ZYG11B: variants seen among roughly 807,000 people sequenced by gnomAD.
The protein encoded by ZYG11B is zyg-11 family member B, cell cycle regulator, also known as protein zyg-11 homolog B.
In ZYG11B, 36 loss-of-function variants were observed where a neutral mutation model predicts 82.4. That is an observed-to-expected ratio of 0.44 (90% CI 0.33 to 0.58). ZYG11B has a LOEUF of 0.58. Ranked by LOEUF, ZYG11B falls within the 20% of genes least tolerant of loss-of-function variation. The probability of loss-of-function intolerance (pLI) is 0.02; values close to 1 mark genes in which losing one functional copy is unlikely to be tolerated. For missense variants in ZYG11B, 552 were observed against 895.6 expected (o/e 0.62, Z 4.90); for synonymous variants, 303 against 312.8 (o/e 0.97, Z 0.33).
chr1:52,790,657 G>T (rs1198693826), intron 6 of ZYG11B, among the ~76,000 whole-genome samples: 7 of 143,038 alleles, frequency 4.9e-5, no homozygotes, highest in Non-Finnish European at 1.0e-4. Context: ...GGCGGCGGTT[G>T]CAGTGAGCCA....
chr1:52,822,748 G>C lies in ZYG11B; in HGVS notation c.*1119G>C, dbSNP rs896781976. 1 of 152,034 alleles carries C rather than the reference G, an allele frequency of 6.6e-6. No individual in the cohort carries two copies. Among genetic ancestry groups the C allele is most frequent in the Non-Finnish European group, 1.5e-5 (1 of 68,004 alleles). The allele number at this position is 152,034 out of a possible 1,614,324, so 9.4% of individuals were successfully genotyped here. A position where few individuals can be genotyped will look rare whatever the true frequency, so the allele number is the denominator to read the frequency against. ...ATGATTAAATGTAATGATTCTACTCGCAGTGCATAACAGCACATATTTTTG... is the reference window on the plus strand; with the variant it reads ...ATGATTAAATGTAATGATTCTACTCCCAGTGCATAACAGCACATATTTTTG... On this transcript the variant is annotated 3_prime_UTR_variant, in exon 14 of 14. Coordinates refer to ENST00000294353, the MANE Select transcript of ZYG11B (RefSeq NM_024646.3).
intron 1 of ZYG11B, among the ~76,000 whole-genome samples, chr1:52,742,344 C>T (rs965523766): frequency 4.0e-5 from 6 of 151,806 alleles, no homozygotes; most frequent in Non-Finnish European, 2.9e-5. Flanking sequence ...CCCAGCTATT[C>T]GGATGGCTGA....
intron 1 of ZYG11B, among the ~76,000 whole-genome samples, chr1:52,744,311 G>A (rs1424804356): frequency 1.3e-5 from 2 of 152,162 alleles, no homozygotes; most frequent in South Asian, 2.1e-4. Context: ...ATTCAGTACA[G>A]TAACATGCTG....
At chr1:52,814,544 G>A (rs1477267118) in intron 12 of ZYG11B, among the ~76,000 whole-genome samples, 1 of 152,132 alleles carries the variant, frequency 6.6e-6, no homozygotes, top group Non-Finnish European at 1.5e-5. Context: ...TATGCCAAAT[G>A]TCCATAGAAT....
At chr1:52,778,183 CT>C (rs1445995487) in intron 3 of ZYG11B, among the ~76,000 whole-genome samples, 1 of 152,172 alleles carries the variant, frequency 6.6e-6, no homozygotes, top group African/African-American at 2.4e-5. Context: ...TTTTGAGTAT[CT>C]TTTAGTTTAT....
chr1:52,820,212 C>T (rs1645271823), intron 13 of ZYG11B, among the ~76,000 whole-genome samples: 1 of 151,712 alleles, frequency 6.6e-6, no homozygotes, highest in Non-Finnish European at 1.5e-5. Context: ...CCACGCCCAG[C>T]CCCTGAATAA....
At chr1:52,801,552 G>A (rs1280627289) in intron 8 of ZYG11B, among the ~76,000 whole-genome samples, 1 of 152,082 alleles carries the variant, frequency 6.6e-6, no homozygotes, top group Non-Finnish European at 1.5e-5. Flanking sequence ...GAATAAGATA[G>A]TTGACCGAAG....
intron 1 of ZYG11B, among the ~76,000 whole-genome samples, chr1:52,743,424 A>AAAAAAAAAAAAAC: frequency 6.9e-6 from 1 of 145,422 alleles, no homozygotes; most frequent in Non-Finnish European, 1.5e-5. Context: ...AAAAAAAAAA[A>AAAAAAAAAAAAAC]GTAAAAGTTC....
At chr1:52,819,677 C>G (rs1341605998) in intron 13 of ZYG11B, among the ~76,000 whole-genome samples, 2 of 151,124 alleles carry the variant, frequency 1.3e-5, no homozygotes, top group African/African-American at 4.9e-5. Flanking sequence ...CTCTCAGCTA[C>G]TAGGGAGGCT....
intron 10 of ZYG11B, among the ~76,000 whole-genome samples, chr1:52,803,465 C>CAT (rs901326697): frequency 2.0e-5 from 3 of 147,088 alleles, no homozygotes; most frequent in East Asian, 3.9e-4. Flanking sequence ...AACCACAACA[C>CAT]ATATATGTGT....
chr1:52,819,792 A>AATAAT (rs1553264500), intron 13 of ZYG11B, among the ~76,000 whole-genome samples: 3 of 149,562 alleles, frequency 2.0e-5, no homozygotes, highest in African/African-American at 7.4e-5. Flanking sequence ...TCTGAAAAAA[A>AATAAT]AATAATAATA....
intron 1 of ZYG11B, among the ~76,000 whole-genome samples, chr1:52,753,390 T>G (rs867290712): frequency 2.5e-4 from 38 of 151,586 alleles, no homozygotes; most frequent in African/African-American, 8.0e-4. Context: ...TGTCCATGGT[T>G]GTTCTTCTTC....
chr1:52,783,554 A>G lies in ZYG11B; in HGVS notation c.1093-1323A>G, dbSNP rs1023795053. On this transcript the variant is annotated intron_variant, in intron 4 of 13. Transcript: ENST00000294353. ...ATGTACGTATGCTGGTAAGTAGGAT[A>G]CATGTGGTAATGAGAATCTGAAGTT... Among the ~76,000 whole-genome samples, 5 of 151,414 alleles carry G rather than the reference A, an allele frequency of 3.3e-5. No individual in the cohort carries two copies. In the East Asian group the frequency reaches 9.7e-4, roughly 29 times the overall value.
At chr1:52,799,136 A>T (rs1280923105) in intron 8 of ZYG11B, among the ~76,000 whole-genome samples, 2 of 152,110 alleles carry the variant, frequency 1.3e-5, no homozygotes, top group Non-Finnish European at 2.9e-5. Flanking sequence ...ATAGAAAAAA[A>T]ATAGCTATGT....
chr1:52,768,620 A>T (rs996469880), intron 2 of ZYG11B, among the ~76,000 whole-genome samples: 2 of 127,264 alleles, frequency 1.6e-5, no homozygotes, highest in Admixed American at 8.9e-5. Context: ...TTTGAAATGG[A>T]GTCTTGCTCT....
chr1:52,797,703 G>T (rs1256529723), intron 8 of ZYG11B, among the ~76,000 whole-genome samples: 7 of 150,634 alleles, frequency 4.6e-5, no homozygotes, highest in African/African-American at 2.4e-5. Context: ...TAGAGTCAGG[G>T]TTTCACCATG....
chr1:52,728,995 T>TA (rs1365474913), intron 1 of ZYG11B, among the ~76,000 whole-genome samples: 2 of 152,206 alleles, frequency 1.3e-5, no homozygotes, highest in Non-Finnish European at 2.9e-5. Context: ...GATACTGTCT[T>TA]AGCCCATTCA....
At position 52,726,702 on chromosome 1, in the gene ZYG11B, C is replaced by T; in HGVS notation, c.30+19C>T. The T allele has an allele frequency of 2.7e-6, 4 of 1,471,058 alleles. No individual in the cohort carries two copies. The highest frequency in any genetic ancestry group is 1.3e-5 in the South Asian group (1 of 77,562). 91.1% of individuals were successfully genotyped at this position (1,471,058 alleles called of 1,614,324 possible). On this transcript the variant is annotated intron_variant, in intron 1 of 13. Transcript: ENST00000294353. ...AGCCATGGTGAGGGAGCAAGGCCTGCCCTAGCCGCAGCCGCCCGCCACCCT... is the reference window on the plus strand; with the variant it reads ...AGCCATGGTGAGGGAGCAAGGCCTGTCCTAGCCGCAGCCGCCCGCCACCCT...
intron 3 of ZYG11B, among the ~76,000 whole-genome samples, chr1:52,775,870 C>T (rs544159340): frequency 2.0e-5 from 3 of 151,248 alleles, no homozygotes; most frequent in East Asian, 3.9e-4. Context: ...ATTTGAGCAG[C>T]CAGATGTGAG....
Sources: gnomAD v4.1 joint callset for allele counts (sites outside exome capture counted in the v4.1 genomes callset) on GRCh38, gnomAD v4.1.1 for gene constraint, MANE v1.5 for transcripts, NCBI Gene and HGNC (gene_info 2026-07-23, HGNC 2026-07-21) for gene names.